Variants in NRXN1 observed in about 807,000 individuals in gnomAD.
NRXN1 encodes neurexin-1.
In NRXN1, 39 loss-of-function variants were observed where a neutral mutation model predicts 150.9. That is an observed-to-expected ratio of 0.26 (90% confidence interval 0.20 to 0.34). NRXN1 has a LOEUF of 0.34. Among genes scored for constraint, NRXN1 ranks in the 10% least tolerant of loss-of-function variants. The probability of loss-of-function intolerance (pLI) is 1.00; values close to 1 mark genes in which losing one functional copy is unlikely to be tolerated. For synonymous variants in NRXN1, 924 were observed against 757.0 expected (o/e 1.22, Z -3.62); for missense variants, 1,815 against 1,949.9 (o/e 0.93, Z 1.30).
chr2:50,894,127 A>G (rs1681530801), intron 5 of NRXN1, among the ~76,000 whole-genome samples: 1 of 151,960 alleles, frequency 6.6e-6, no homozygotes, highest in Non-Finnish European at 1.5e-5. Flanking sequence ...ATTGGGAGAT[A>G]TACCTAATGC....
At chr2:50,408,861 C>CTCTCTCTCTCTCTCTCTCTG (rs2082945787) in intron 17 of NRXN1, among the ~76,000 whole-genome samples, 1 of 116,176 alleles carries the variant, frequency 8.6e-6, no homozygotes, top group Non-Finnish European at 1.7e-5. Flanking sequence ...CTCTCTCTCT[C>CTCTCTCTCTCTCTCTCTCTG]TCTCTCTCTC....
At chr2:49,995,890 A>T (rs75040057) in intron 21 of NRXN1, among the ~76,000 whole-genome samples, 1 of 137,922 alleles carries the variant, frequency 7.3e-6, no homozygotes, top group Admixed American at 7.3e-5. Flanking sequence ...AAAAGAAAAA[A>T]GGATTTAGAG....
chr2:50,451,073 C>A (rs1380791978), intron 17 of NRXN1, among the ~76,000 whole-genome samples: 2 of 152,086 alleles, frequency 1.3e-5, no homozygotes, highest in Non-Finnish European at 2.9e-5. Flanking sequence ...TTCAAGGGAT[C>A]CTTCTACTTC....
At chr2:50,610,571 G>C (rs1320170253) in intron 8 of NRXN1, among the ~76,000 whole-genome samples, 1 of 141,764 alleles carries the variant, frequency 7.1e-6, no homozygotes, top group Non-Finnish European at 1.5e-5. Flanking sequence ...CCAGATTCCT[G>C]AGTGCATTAT....
intron 17 of NRXN1, among the ~76,000 whole-genome samples, chr2:50,328,902 C>T (rs924759945): frequency 6.6e-6 from 1 of 152,164 alleles, no homozygotes; most frequent in African/African-American, 2.4e-5. Context: ...TCTAACACAT[C>T]TTGTCTCTTG....
intron 2 of NRXN1, among the ~76,000 whole-genome samples, chr2:50,995,878 TG>T (rs547610699): frequency 5.3e-4 from 81 of 152,234 alleles, no homozygotes; most frequent in Admixed American, 1.3e-3. Context: ...GCTGTCTTTC[TG>T]GTGTACTCTC....
intron 8 of NRXN1, among the ~76,000 whole-genome samples, chr2:50,558,851 C>G (rs1020654383): frequency 6.6e-6 from 1 of 152,094 alleles, no homozygotes; most frequent in Non-Finnish European, 1.5e-5. Context: ...TGGAGGAGGG[C>G]GGATCACGAG....
intron 12 of NRXN1, among the ~76,000 whole-genome samples, chr2:50,514,270 T>C (rs1639769915): frequency 6.6e-6 from 1 of 152,178 alleles, no homozygotes; most frequent in South Asian, 2.1e-4. Flanking sequence ...TCTATATTTA[T>C]ACATGATTGT....
intron 8 of NRXN1, among the ~76,000 whole-genome samples, chr2:50,565,475 G>A (rs983263516): frequency 1.3e-5 from 2 of 151,882 alleles, no homozygotes; most frequent in African/African-American, 4.8e-5. Flanking sequence ...TTTTTTAAAT[G>A]ATTTGGCCAG....
intron 5 of NRXN1, among the ~76,000 whole-genome samples, chr2:50,793,354 A>G (rs1706335028): frequency 6.6e-6 from 1 of 152,096 alleles, no homozygotes; most frequent in Non-Finnish European, 1.5e-5. Flanking sequence ...GTGGTCATCA[A>G]AAATGTATGA....
intron 10 of NRXN1, among the ~76,000 whole-genome samples, chr2:50,534,500 T>C (rs2105231310): frequency 6.6e-6 from 1 of 152,322 alleles, no homozygotes; most frequent in South Asian, 2.1e-4. Flanking sequence ...CAAATTGCTG[T>C]TGCTCAAAAA....
At chr2:50,219,975 A>AAT (rs1421348207) in intron 18 of NRXN1, among the ~76,000 whole-genome samples, 2 of 25,754 alleles carry the variant, frequency 7.8e-5, no homozygotes, top group Non-Finnish European at 1.4e-4. Context: ...ATATATATAT[A>AAT]ATATATATAT....
At chr2:50,630,784 A>T (rs188931925) in intron 5 of NRXN1, among the ~76,000 whole-genome samples, 1 of 151,906 alleles carries the variant, frequency 6.6e-6, no homozygotes, top group Admixed American at 6.6e-5. Flanking sequence ...GAATGAAAAA[A>T]GATATTTGGG....
At chr2:50,406,114 C>T (rs1351141363) in intron 17 of NRXN1, among the ~76,000 whole-genome samples, 3 of 152,060 alleles carry the variant, frequency 2.0e-5, no homozygotes, top group African/African-American at 4.8e-5. Flanking sequence ...TTTCAATCCC[C>T]TATTTTGATG....
At chr2:50,139,572 G>A (rs1297522067) in intron 18 of NRXN1, among the ~76,000 whole-genome samples, 3 of 152,090 alleles carry the variant, frequency 2.0e-5, no homozygotes, top group Admixed American at 6.6e-5. Flanking sequence ...TAGCTTACCA[G>A]TAACATCAAG....
At chr2:50,767,097 T>C (rs1233660933) in intron 5 of NRXN1, among the ~76,000 whole-genome samples, 2 of 152,038 alleles carry the variant, frequency 1.3e-5, no homozygotes, top group Admixed American at 6.6e-5. Context: ...CTGAATGCAG[T>C]TGCCCAGGAA....
chr2:50,935,196 C>T lies in NRXN1; in HGVS notation c.773-9241G>A, dbSNP rs898516400. 2.6e-5 allele frequency among the ~76,000 whole-genome samples: 4 copies of T among 152,122 alleles called. 1 individual carries two copies. Among genetic ancestry groups the T allele is most frequent in the Admixed American group, 2.6e-4 (4 of 15,250 alleles). ...TATTCTCTTATAGGTCAAAGACTTT[C>T]CTTCCTATAACATGGGCCTCTTTTT... On this transcript the variant is annotated intron_variant, in intron 2 of 22. Coordinates refer to ENST00000401669, the MANE Select transcript of NRXN1 (RefSeq NM_001330078.2).
At chr2:50,182,688 A>C (rs1049203950) in intron 18 of NRXN1, among the ~76,000 whole-genome samples, 5 of 152,076 alleles carry the variant, frequency 3.3e-5, no homozygotes, top group African/African-American at 1.2e-4. Flanking sequence ...AATGCTGGAA[A>C]TTCACAATCA....
At chr2:50,157,915 G>A (rs547010111) in intron 18 of NRXN1, among the ~76,000 whole-genome samples, 6 of 151,688 alleles carry the variant, frequency 4.0e-5, no homozygotes, top group Admixed American at 6.6e-5. Flanking sequence ...ATTAGAGCTG[G>A]GGATATGGAT....
Sources: allele counts gnomAD v4.1 joint callset (sites outside exome capture counted in the v4.1 genomes callset), GRCh38; gene constraint gnomAD v4.1.1; transcripts MANE v1.5; gene names NCBI Gene and HGNC (gene_info 2026-07-23, HGNC 2026-07-21).